The following MYO7A variants were observed in gnomAD, a reference collection of about 807,000 sequenced individuals.
MYO7A encodes myosin VIIA.
A neutral mutation model predicts 263.8 loss-of-function variants in MYO7A; 210 were observed. That is an observed-to-expected ratio of 0.80 (90% confidence interval 0.71 to 0.89). MYO7A has a LOEUF of 0.89. MYO7A is among the 40% of genes least tolerant of loss of function. The pLI is 0.00. For missense variants in MYO7A, 2,820 were observed against 2,968.3 expected, an observed-to-expected ratio of 0.95 and a Z score of 1.16; for synonymous variants, 1,239 against 1,197.3, an observed-to-expected ratio of 1.03 and a Z score of -0.72.
At chr11:77,144,144 T>A (rs1555052427) in intron 3 of MYO7A, among the ~76,000 whole-genome samples, 3 of 152,162 alleles carry the variant, frequency 2.0e-5, no homozygotes, top group Non-Finnish European at 4.4e-5. Context: ...CAGCATTATC[T>A]CAGCGGCGAC....
rs782565155 is a variant in MYO7A at position 77,142,702 on chromosome 11, C to T, written c.19-7C>T. ...TCACCTGGGCTGAGACTCTCTCTCGCCCATAGGGGGACCATGTGTGGATGG... is the reference window on the plus strand; with the variant it reads ...TCACCTGGGCTGAGACTCTCTCTCGTCCATAGGGGGACCATGTGTGGATGG... On this transcript the variant is annotated splice_region_variant and splice_polypyrimidine_tract_variant and intron_variant, in intron 2 of 48. Coordinates refer to ENST00000409709, the MANE Select transcript of MYO7A (RefSeq NM_000260.4). 6.9e-6 allele frequency: 11 copies of T among 1,604,624 alleles called. No homozygotes were observed. The Middle Eastern group carries it at 1.2e-3, about 168-fold the overall frequency.
intron 17 of MYO7A, 59 bp downstream of exon 17, chr11:77,174,973 G>C (rs782291509): frequency 1.3e-6 from 2 of 1,588,028 alleles, no homozygotes; most frequent in Non-Finnish European, 1.7e-6. Flanking sequence ...GCTGGGCAAG[G>C]GTCCCAATTT....
intron 18 of MYO7A, among the ~76,000 whole-genome samples, chr11:77,177,249 A>G (rs1321980381): frequency 1.3e-5 from 2 of 152,154 alleles, no homozygotes; most frequent in Non-Finnish European, 2.9e-5. Flanking sequence ...GCTTGGGCAG[A>G]TTGACGATAG....
At chr11:77,180,507 T>C (rs1955086367) in intron 22 of MYO7A, 26 bp downstream of exon 22, 1 of 1,592,994 alleles carries the variant, frequency 6.3e-7, no homozygotes, top group African/African-American at 1.3e-5. Context: ...CCAGGCACCT[T>C]AGGTGTCCAC....
intron 31 of MYO7A, among the ~76,000 whole-genome samples, chr11:77,193,203 T>G (rs1769050425): frequency 8.2e-6 from 1 of 121,546 alleles, no homozygotes; most frequent in African/African-American, 2.9e-5. Context: ...GATGAGGTAT[T>G]GTTGGTACTG....
intron 47 of MYO7A, among the ~76,000 whole-genome samples, chr11:77,213,603 G>A (rs548276474): frequency 3.3e-5 from 5 of 152,198 alleles, no homozygotes; most frequent in Non-Finnish European, 7.3e-5. Context: ...TTCAGGCCAC[G>A]GTGTCAGTTC....
intron 14 of MYO7A, among the ~76,000 whole-genome samples, chr11:77,163,981 T>TGG (rs200877186): frequency 6.6e-6 from 1 of 151,500 alleles, no homozygotes; most frequent in African/African-American, 2.4e-5. Context: ...CAGAACAAGG[T>TGG]GGGGGGGGCT....
chr11:77,155,466 C>T (rs1390360352), intron 4 of MYO7A, among the ~76,000 whole-genome samples: 1 of 152,216 alleles, frequency 6.6e-6, no homozygotes, highest in Non-Finnish European at 1.5e-5. Flanking sequence ...CCTCACCAAC[C>T]TGGCCTCCCT....
At chr11:77,162,047 G>A (rs1953048805) in intron 12 of MYO7A, 73 bp from the exon 13 acceptor site, 1 of 1,376,268 alleles carries the variant, frequency 7.3e-7, no homozygotes, top group African/African-American at 1.4e-5. Flanking sequence ...GCTGCAGGTG[G>A]AGGCAGAGCC....
Position 77,155,818 on chromosome 11 carries a change from G to A in MYO7A, c.286-89G>A, listed in dbSNP as rs936788962. On this transcript the variant is annotated intron_variant, in intron 4 of 48. Transcript: ENST00000409709. ...CAAAGCCAGGACTCTTCCCTCCAGG[G>A]TGCTGGAGCAGGGCAGAGCCCAAGA... is the stretch of plus-strand genomic sequence containing the variant. The A allele has an allele frequency of 5.9e-6, 8 of 1,364,400 alleles. No individual in the cohort carries two copies. In the African/African-American group the frequency reaches 1.0e-4, roughly 17 times the overall value. The allele number at this position is 1,364,400 out of a possible 1,614,324, so 84.5% of individuals were successfully genotyped here. A position where few individuals can be genotyped will look rare whatever the true frequency, so the allele number is the denominator to read the frequency against.
At chr11:77,133,653 G>C (rs1246061051) in intron 2 of MYO7A, among the ~76,000 whole-genome samples, 9 of 150,124 alleles carry the variant, frequency 6.0e-5, no homozygotes, top group African/African-American at 2.0e-4. Flanking sequence ...AGATCATGTG[G>C]TTGGTTTTTG....
At chr11:77,211,989 A>C in intron 46 of MYO7A, 52 bp downstream of exon 46, 1 of 1,420,372 alleles carries the variant, frequency 7.0e-7, no homozygotes, top group Non-Finnish European at 9.9e-7. Flanking sequence ...GGCATTGATA[A>C]AGCACAGAGA....
chr11:77,181,817 C>T, intron 23 of MYO7A, 134 bp from the exon 24 acceptor site: 1 of 625,608 alleles, frequency 1.6e-6, no homozygotes, highest in Non-Finnish European at 2.6e-6. Flanking sequence ...TGGGGTCGTA[C>T]CCTGTTGCTC....
intron 2 of MYO7A, 103 bp from the exon 3 acceptor site, chr11:77,142,606 T>C (rs1951286320): frequency 3.1e-6 from 3 of 961,148 alleles, no homozygotes; most frequent in South Asian, 2.8e-5. Context: ...CTTGTGTGGT[T>C]GGCTCAGAGC....
chr11:77,192,423 A>C (rs1351849660), intron 31 of MYO7A, 145 bp downstream of exon 31: 6 of 809,416 alleles, frequency 7.4e-6, no homozygotes, highest in Non-Finnish European at 1.2e-5. Context: ...AGGCTCCTGG[A>C]TGGACACCGC....
Position 77,204,249 on chromosome 11 carries a change from C to A in MYO7A, c.5480+20C>A, listed in dbSNP as rs115869997. The A allele has an allele frequency of 1.5e-5, 24 of 1,559,480 alleles. No homozygotes were observed. The East Asian group carries it at 5.8e-4, about 38-fold the overall frequency. ...CATCAGGTGAGCCAGGCACAGTGGG[C>A]GGATGAGGGGCAGACCTCACCTGCT... On this transcript the variant is annotated intron_variant, in intron 39 of 48. Coordinates refer to ENST00000409709, the MANE Select transcript of MYO7A (RefSeq NM_000260.4).
Position 77,172,735 on chromosome 11 carries a change from T to C in MYO7A, c.1798-13T>C, listed in dbSNP as rs781871800. The C allele has an allele frequency of 3.9e-6, 6 of 1,551,756 alleles. No individual in the cohort carries two copies. Among genetic ancestry groups the C allele is most frequent in the Non-Finnish European group, 4.4e-6 (5 of 1,148,750 alleles). ...GGCACAGCCCCTCCCATCGCTGCCG[T>C]CCGTCCCCCCAGGGCGCCGAGACCA... On this transcript the variant is annotated splice_polypyrimidine_tract_variant and intron_variant, in intron 15 of 48. Coordinates refer to ENST00000409709, the MANE Select transcript of MYO7A (RefSeq NM_000260.4).
intron 27 of MYO7A, 127 bp downstream of exon 27, chr11:77,184,842 G>A (rs782130903): frequency 2.6e-5 from 38 of 1,448,130 alleles, no homozygotes; most frequent in Non-Finnish European, 3.6e-5. Flanking sequence ...GCTAGTTGGT[G>A]GAGTTAGGAC....
At chr11:77,213,363 C>A (rs1190409067) in intron 47 of MYO7A, among the ~76,000 whole-genome samples, 1 of 152,224 alleles carries the variant, frequency 6.6e-6, no homozygotes, top group African/African-American at 2.4e-5. Flanking sequence ...TGTTTCTGGG[C>A]CAGAGCAGCC....
Sources: allele counts gnomAD v4.1 joint callset (sites outside exome capture counted in the v4.1 genomes callset), GRCh38; gene constraint gnomAD v4.1.1; transcripts MANE v1.5; gene names NCBI Gene and HGNC (gene_info 2026-07-23, HGNC 2026-07-21).